IFI35: variants seen among roughly 807,000 people sequenced by gnomAD.
The protein encoded by IFI35 is interferon induced protein 35.
In IFI35, 30 loss-of-function variants were observed where a neutral mutation model predicts 28.6. The ratio of observed to expected loss-of-function variants is 1.05; its 90% CI spans 0.79 to 1.43. The LOEUF is 1.43. IFI35 is among the 40% of genes most tolerant of loss of function. The pLI is 0.00. For synonymous variants in IFI35, 146 were observed against 154.8 expected (o/e 0.94, Z 0.42); for missense variants, 372 against 356.9 (o/e 1.04, Z -0.34).
rs1251117350 is a variant in IFI35, at chr17:43,012,265, C to T, written c.108C>T (p.Ser36=). 1 of 1,570,216 alleles carries T rather than the reference C, an allele frequency of 6.4e-7. No homozygotes were observed. The highest frequency in any genetic ancestry group is 1.9e-5 in the Admixed American group (1 of 53,396). Residue 36 remains serine, a synonymous_variant, in exon 2 of 7, where the codon TCC becomes TCT. Coordinates refer to ENST00000415816, the MANE Select transcript of IFI35 (RefSeq NM_001330230.2). ...AGCTGAGAAAGGAGCTCGGGGACTCCCCCAAAGACAAGGTAAGGTGGGAGA... is the reference window on the plus strand; with the variant it reads ...AGCTGAGAAAGGAGCTCGGGGACTCTCCCAAAGACAAGGTAAGGTGGGAGA... ...LQQLRKELGD[S]PKDKVPFSVP... is the part of the protein sequence containing the mutation.
chr17:43,010,032 G>A (rs936905676), intron 1 of IFI35, among the ~76,000 whole-genome samples: 5 of 151,656 alleles, frequency 3.3e-5, no homozygotes, highest in Admixed American at 6.6e-5. Flanking sequence ...TCAGGAGATC[G>A]AGACCATCCT....
rs532403311 is a variant in IFI35 at position 43,012,279 on chromosome 17, T to C, written c.120+2T>C. 6.4e-7 allele frequency: 1 copy of C among 1,561,750 alleles called. No individual in the cohort carries two copies. Among genetic ancestry groups the C allele is most frequent in the Admixed American group, 1.9e-5 (1 of 52,464 alleles). On this transcript the variant is annotated splice_donor_variant, in intron 2 of 6. Coordinates refer to ENST00000415816, the MANE Select transcript of IFI35 (RefSeq NM_001330230.2). LOFTEE classifies it high-confidence loss of function. The stretch of plus-strand genomic sequence containing the variant: ...CTCGGGGACTCCCCCAAAGACAAGG[T>C]AAGGTGGGAGATCTGGTGTTGTTTG...
intron 1 of IFI35, chr17:43,011,966 C>T (rs537007766): frequency 2.5e-6 from 1 of 392,682 alleles, no homozygotes; most frequent in South Asian, 4.9e-5. Flanking sequence ...TGCAAAGGCT[C>T]CTGCCCTTTC....
intron 1 of IFI35, among the ~76,000 whole-genome samples, chr17:43,008,950 C>T (rs992275433): frequency 2.0e-5 from 3 of 151,994 alleles, no homozygotes; most frequent in African/African-American, 7.3e-5. Context: ...CCACAGCACC[C>T]GGCTTTATAT....
In IFI35 at chr17:43,012,203, C is replaced by G. The variant is rs12948870; in HGVS notation, c.46C>G (p.Gln16Glu). 7.6e-3 allele frequency: 11,953 copies of G among 1,575,058 alleles called. 787 individuals are homozygous for G. In the African/African-American group the frequency reaches 0.14, roughly 19 times the overall value. Reference protein sequence around the residue: ...DAALHALQEEQARLKMRLWDL... With the variant: ...DAALHALQEEEARLKMRLWDL... Reference sequence around the variant, plus strand: ...GGCCCTCCACGCCCTTCAGGAGGAGCAGGCCAGACTCAAGATGAGGCTGTG... The same window carrying G: ...GGCCCTCCACGCCCTTCAGGAGGAGGAGGCCAGACTCAAGATGAGGCTGTG... Residue 16 changes from glutamine to glutamate, a missense_variant, in exon 2 of 7, where the codon CAG (glutamine) becomes GAG (glutamate). Transcript: ENST00000415816.
intron 1 of IFI35, among the ~76,000 whole-genome samples, chr17:43,008,329 C>T (rs990873120): frequency 2.7e-5 from 4 of 147,734 alleles, no homozygotes; most frequent in African/African-American, 7.6e-5. Flanking sequence ...CCACCATGCC[C>T]GGACTTTTCT....
At chr17:43,009,854 A>C (rs2050441748) in intron 1 of IFI35, among the ~76,000 whole-genome samples, 3 of 151,866 alleles carry the variant, frequency 2.0e-5, no homozygotes, top group Admixed American at 2.0e-4. Context: ...AATCTGTTGA[A>C]TCCGGGAGGT....
chr17:43,013,454 A>ACC, intron 4 of IFI35, 22 bp from the exon 5 acceptor site: 3 of 1,613,288 alleles, frequency 1.9e-6, no homozygotes, highest in Non-Finnish European at 2.5e-6. Flanking sequence ...GTCTGGGACC[A>ACC]CCCCTTGCTG....
chr17:43,012,870 ATGT>A, intron 2 of IFI35, 174 bp from the exon 3 acceptor site: 1 of 680,034 alleles, frequency 1.5e-6, no homozygotes, highest in Non-Finnish European at 2.6e-6. Context: ...ACAAATTAAG[ATGT>A]TGTATGTAAA....
At position 43,013,844 on chromosome 17, in the gene IFI35, GTC is replaced by G; in HGVS notation, c.636_637del (p.Pro213ValfsTer10). ...GGGTGGGCAGCAAGTCCCTCTGAGA[GTC>G]TCTCCGTATGTGAACGGGGAGATCC... is the stretch of plus-strand genomic sequence containing the variant. ...PLGGQQVPLR[V>X]SPYVNGEIQK... On this transcript the variant is annotated frameshift_variant, in exon 6 of 7. Transcript: ENST00000415816. LOFTEE classifies it high-confidence loss of function. 2 of 1,610,356 alleles carry G rather than the reference GTC, an allele frequency of 1.2e-6. No individual in the cohort carries two copies. Among genetic ancestry groups the G allele is most frequent in the Non-Finnish European group, 1.7e-6 (2 of 1,178,154 alleles).
Position 43,013,334 on chromosome 17 carries a change from G to C in IFI35, c.336G>C (p.Gln112His), listed in dbSNP as rs1334338311. 1 of 1,614,050 alleles carries C rather than the reference G, an allele frequency of 6.2e-7. No homozygotes were observed. ...TGGAGGAGTGCCGGCTGCGGGTGCA[G>C]GTCCAGCCCTTGGAGCTGCCCATGG... ...INMEECRLRVQVQPLELPMVT... is the reference protein window; with the variant it reads ...INMEECRLRVHVQPLELPMVT... The change falls in exon 4 of 7, where the codon CAG becomes CAC. Residue 112 changes from glutamine to histidine, a missense_variant. Transcript: ENST00000415816.
chr17:43,007,491 C>T (rs1447219617), intron 1 of IFI35, among the ~76,000 whole-genome samples: 4 of 131,434 alleles, frequency 3.0e-5, no homozygotes, highest in African/African-American at 5.9e-5. Flanking sequence ...GGTGACACAG[C>T]GAGACTCTGT....
At position 43,013,206 on chromosome 17, in the gene IFI35, G is replaced by A; in HGVS notation, c.268+12G>A. 1 of 1,614,096 alleles carries A rather than the reference G, an allele frequency of 6.2e-7. No homozygotes were observed. On this transcript the variant is annotated intron_variant, in intron 3 of 6. Coordinates refer to ENST00000415816, the MANE Select transcript of IFI35 (RefSeq NM_001330230.2). ...TGATGACCCCAAAGGTAAGCTCATG[G>A]GGAGCCTCAGGAGGGAGGTGGGGAG...
rs764211735 is a variant in IFI35, at chr17:43,014,115, C to T, written c.677C>T (p.Ser226Leu). 28 of 1,613,680 alleles carry T rather than the reference C, an allele frequency of 1.7e-5. No homozygotes were observed. The highest frequency in any genetic ancestry group is 2.7e-5 in the African/African-American group (2 of 74,910). Reference sequence around the variant, plus strand: ...TCCTGGCTCCTTTTCCAGATCAGGTCGCAGCCAGTTCCCCGCTCGGTACTG... The same window carrying T: ...TCCTGGCTCCTTTTCCAGATCAGGTTGCAGCCAGTTCCCCGCTCGGTACTG... ...NGEIQKAEIR[S>L]QPVPRSVLVL... The change falls in exon 7 of 7, where the codon TCG becomes TTG. Residue 226 changes from serine to leucine, a missense_variant. Physicochemically the swap from Ser to Leu is moderately radical, Grantham distance 145 (BLOSUM62 -2). Transcript: ENST00000415816.
Position 43,006,859 on chromosome 17 carries a change from G to T in IFI35, c.-89G>T, listed in dbSNP as rs182260944. 26 of 1,416,730 alleles carry T rather than the reference G, an allele frequency of 1.8e-5. No individual in the cohort carries two copies. Among genetic ancestry groups the T allele is most frequent in the East Asian group, 9.1e-5 (4 of 43,920 alleles). 87.8% of individuals were successfully genotyped at this position (1,416,730 alleles called of 1,614,324 possible). A position where few individuals can be genotyped will look rare whatever the true frequency, so the allele number is the denominator to read the frequency against. On this transcript the variant is annotated 5_prime_UTR_variant, in exon 1 of 7. Coordinates refer to ENST00000415816, the MANE Select transcript of IFI35 (RefSeq NM_001330230.2). ...GGCTGAGAGAGACCACAGCCCTTTGGGGGGTACAAACAAGAGTTCAGTTGC... is the reference window on the plus strand; with the variant it reads ...GGCTGAGAGAGACCACAGCCCTTTGTGGGGTACAAACAAGAGTTCAGTTGC...
In IFI35 at chr17:43,011,891, C is replaced by T. The variant is rs184277380; in HGVS notation, c.22-288C>T. ...TGCCTGTGTCAGTGCCGAGCACTTTCTAGCAGGAGCTTAATCAGTGTTTGT... is the reference window on the plus strand; with the variant it reads ...TGCCTGTGTCAGTGCCGAGCACTTTTTAGCAGGAGCTTAATCAGTGTTTGT... On this transcript the variant is annotated intron_variant, in intron 1 of 6. Coordinates refer to ENST00000415816, the MANE Select transcript of IFI35 (RefSeq NM_001330230.2). Among the ~76,000 whole-genome samples the T allele has an allele frequency of 2.0e-3, 302 of 152,316 alleles. 7 individuals carry two copies. The highest frequency in any genetic ancestry group is 7.7e-4 in the East Asian group (4 of 5,174).
intron 2 of IFI35, chr17:43,012,569 C>A: frequency 4.0e-6 from 1 of 248,408 alleles, no homozygotes; most frequent in Admixed American, 5.1e-5. Flanking sequence ...GAAACCCCGT[C>A]TCTACTAAAA....
In IFI35 at chr17:43,011,821, T is replaced by C. The variant is rs541385408; in HGVS notation, c.22-358T>C. Among the ~76,000 whole-genome samples, 6 of 152,324 alleles carry C rather than the reference T, an allele frequency of 3.9e-5. No individual in the cohort carries two copies. The South Asian group carries it at 1.2e-3, about 32-fold the overall frequency. On this transcript the variant is annotated intron_variant, in intron 1 of 6. Transcript: ENST00000415816. ...AGTCAGTCATGTGATCATGTACTCT[T>C]GAGCACTGTTTGGCAGGCCTGAGGG...
intron 1 of IFI35, among the ~76,000 whole-genome samples, chr17:43,007,369 G>A (rs889894150): frequency 1.3e-5 from 2 of 152,092 alleles, no homozygotes; most frequent in Non-Finnish European, 2.9e-5. Flanking sequence ...GCTGTGTGTG[G>A]TGGTGTGCGC....
Sources: allele counts gnomAD v4.1 joint callset (sites outside exome capture counted in the v4.1 genomes callset), GRCh38; gene constraint gnomAD v4.1.1; transcripts MANE v1.5; gene names NCBI Gene and HGNC (gene_info 2026-07-23, HGNC 2026-07-21).